The following TP63 variants were observed in gnomAD, a reference collection of about 807,000 sequenced individuals.
TP63 encodes the protein tumor protein p63.
TP63 carries 17 observed loss-of-function variants against 82.8 expected under a neutral mutation model. The ratio of observed to expected loss-of-function variants is 0.21; its 90% CI spans 0.14 to 0.31. The LOEUF is 0.31. Ranked by LOEUF, TP63 falls within the 10% of genes least tolerant of loss-of-function variation. The probability of loss-of-function intolerance (pLI) is 1.00; values close to 1 mark genes in which losing one functional copy is unlikely to be tolerated. For synonymous variants in TP63, 330 were observed against 321.7 expected, an observed-to-expected ratio of 1.03 and a Z score of -0.28; for missense variants, 648 against 895.3, an observed-to-expected ratio of 0.72 and a Z score of 3.52.
chr3:189,768,063 G>T (rs1316883308), intron 3 of TP63, among the ~76,000 whole-genome samples: 2 of 152,086 alleles, frequency 1.3e-5, no homozygotes, highest in Non-Finnish European at 2.9e-5. Flanking sequence ...TTTATTTTAA[G>T]AACTAGGTAC....
At chr3:189,850,597 G>C (rs1715493846) in intron 4 of TP63, among the ~76,000 whole-genome samples, 1 of 152,152 alleles carries the variant, frequency 6.6e-6, no homozygotes, top group Admixed American at 6.5e-5. Flanking sequence ...GACACGGGGA[G>C]GGATAGCGTT....
At chr3:189,848,051 A>C (rs1441555986) in intron 4 of TP63, among the ~76,000 whole-genome samples, 1 of 152,306 alleles carries the variant, frequency 6.6e-6, no homozygotes, top group East Asian at 1.9e-4. Flanking sequence ...GTGGGGAAGA[A>C]CACTGGTCTG....
intron 1 of TP63, among the ~76,000 whole-genome samples, chr3:189,723,684 G>A (rs1030764109): frequency 2.6e-5 from 4 of 152,170 alleles, no homozygotes; most frequent in African/African-American, 9.7e-5. Flanking sequence ...TAGACAAAAT[G>A]TAATTCTGAT....
intron 3 of TP63, among the ~76,000 whole-genome samples, chr3:189,762,585 T>C (rs1722659928): frequency 6.6e-6 from 1 of 152,230 alleles, no homozygotes; most frequent in Non-Finnish European, 1.5e-5. Context: ...TAAAATGTAA[T>C]ACTTTAAAAT....
At chr3:189,768,422 T>A (rs1177440248) in intron 3 of TP63, among the ~76,000 whole-genome samples, 3 of 152,156 alleles carry the variant, frequency 2.0e-5, no homozygotes, top group African/African-American at 7.2e-5. Context: ...TTCTCATGAT[T>A]ATGTAATTCT....
At chr3:189,686,539 A>C (rs754522665) in intron 1 of TP63, among the ~76,000 whole-genome samples, 15 of 152,082 alleles carry the variant, frequency 9.9e-5, no homozygotes, top group Admixed American at 2.6e-4. Flanking sequence ...ACATAATTTC[A>C]TGAACTACTG....
intron 3 of TP63, among the ~76,000 whole-genome samples, chr3:189,797,072 T>C (rs887860194): frequency 6.6e-6 from 1 of 152,074 alleles, no homozygotes; most frequent in East Asian, 1.9e-4. Context: ...GGAATGTTAG[T>C]GAATGTGTGT....
the TP63 span, among the ~76,000 whole-genome samples, chr3:189,609,509 C>T: frequency 6.6e-6 from 1 of 151,956 alleles, no homozygotes; most frequent in Non-Finnish European, 1.5e-5. Flanking sequence ...CAATAGTTAT[C>T]TTTTCTTATC....
At chr3:189,635,522 G>A (rs958042847) in intron 1 of TP63, among the ~76,000 whole-genome samples, 1 of 152,050 alleles carries the variant, frequency 6.6e-6, no homozygotes, top group Non-Finnish European at 1.5e-5. Context: ...TCAACCAGCA[G>A]CAATCTCCTG....
At chr3:189,848,602 C>T (rs540141851) in intron 4 of TP63, among the ~76,000 whole-genome samples, 3 of 152,244 alleles carry the variant, frequency 2.0e-5, no homozygotes, top group Non-Finnish European at 4.4e-5. Flanking sequence ...GTAATAGAAA[C>T]ATAGAACCAA....
At chr3:189,639,839 G>T (rs953910714) in intron 1 of TP63, among the ~76,000 whole-genome samples, 1 of 152,016 alleles carries the variant, frequency 6.6e-6, no homozygotes, top group Non-Finnish European at 1.5e-5. Context: ...AACATATACA[G>T]GTTTATAATA....
At chr3:189,620,829 C>T in the TP63 span, among the ~76,000 whole-genome samples, 1 of 152,214 alleles carries the variant, frequency 6.6e-6, no homozygotes, top group African/African-American at 2.4e-5. Flanking sequence ...TCTTAGCTCC[C>T]ACACTCCGTA....
chr3:189,714,815 T>C (rs1021018339), intron 1 of TP63, among the ~76,000 whole-genome samples: 2 of 152,146 alleles, frequency 1.3e-5, no homozygotes, highest in African/African-American at 4.8e-5. Flanking sequence ...TACACATTCA[T>C]ATAAAAAGCA....
At chr3:189,662,106 T>G (rs1419555618) in intron 1 of TP63, among the ~76,000 whole-genome samples, 4 of 151,986 alleles carry the variant, frequency 2.6e-5, no homozygotes, top group Admixed American at 2.0e-4. Context: ...CTTGTGCTAA[T>G]TTTGGGGTTA....
chr3:189,889,549 A>G (rs1720807322), intron 12 of TP63, 65 bp downstream of exon 12: 2 of 1,607,296 alleles, frequency 1.2e-6, no homozygotes, highest in Admixed American at 3.3e-5. Flanking sequence ...GAGGGCGGAT[A>G]CTGTTATAGT....
chr3:189,773,915 CTTTTTTTTTTTTTT>C (rs57761830), intron 3 of TP63, among the ~76,000 whole-genome samples: 1 of 72,892 alleles, frequency 1.4e-5, no homozygotes, highest in Non-Finnish European at 2.4e-5. Flanking sequence ...TGTCTCGTGC[CTTTTTTTTTTTTTT>C]TTTTTTTTTT....
At chr3:189,645,326 T>A in intron 1 of TP63, 1 of 518,164 alleles carries the variant, frequency 1.9e-6, no homozygotes, top group Non-Finnish European at 3.7e-6. Flanking sequence ...CTTTTCCACT[T>A]TCAGATCTTT....
At chr3:189,863,829 T>C (rs908951244) in intron 4 of TP63, among the ~76,000 whole-genome samples, 4 of 152,196 alleles carry the variant, frequency 2.6e-5, no homozygotes, top group Admixed American at 1.3e-4. Context: ...TAGGCAGAAA[T>C]CTGTCTTTGT....
At chr3:189,690,121 G>A (rs1454936956) in intron 1 of TP63, among the ~76,000 whole-genome samples, 3 of 108,814 alleles carry the variant, frequency 2.8e-5, no homozygotes, top group Non-Finnish European at 5.6e-5. Context: ...TGTGGCCTTG[G>A]GAAAAATCGC....
Sources: allele counts gnomAD v4.1 joint callset (sites outside exome capture counted in the v4.1 genomes callset), GRCh38; gene constraint gnomAD v4.1.1; transcripts MANE v1.5; gene names NCBI Gene and HGNC (gene_info 2026-07-23, HGNC 2026-07-21).